Variants in NRXN1 observed in about 807,000 individuals in gnomAD.
NRXN1 encodes the protein neurexin-1.
A neutral mutation model predicts 150.9 loss-of-function variants in NRXN1; 39 were observed. The observed-to-expected ratio is 0.26, with a 90% CI of 0.20 to 0.34. The LOEUF (loss-of-function observed/expected upper bound fraction) is 0.34. NRXN1 is among the 10% of genes least tolerant of loss of function. NRXN1 has a pLI of 1.00. For synonymous variants in NRXN1, 924 were observed against 757.0 expected (o/e 1.22, Z -3.62); for missense variants, 1,815 against 1,949.9 (o/e 0.93, Z 1.30).
chr2:50,280,478 A>T (rs1225416449), intron 17 of NRXN1, among the ~76,000 whole-genome samples: 1 of 152,136 alleles, frequency 6.6e-6, no homozygotes, highest in African/African-American at 2.4e-5. Flanking sequence ...GATGAACCTC[A>T]GTCTTTGGAG....
chr2:50,620,983 C>G, intron 7 of NRXN1: 1 of 442,322 alleles, frequency 2.3e-6, no homozygotes, highest in Non-Finnish European at 4.0e-6. Context: ...GGATGCAAAA[C>G]GTTCGAAACG....
chr2:50,652,635 A>C (rs774247457), intron 5 of NRXN1, among the ~76,000 whole-genome samples: 56 of 152,196 alleles, frequency 3.7e-4, no homozygotes, highest in Middle Eastern at 3.4e-3. Flanking sequence ...GTTATTAAGA[A>C]TGCTGCTGCT....
chr2:50,888,354 C>T (rs1394952374), intron 5 of NRXN1, among the ~76,000 whole-genome samples: 1 of 151,456 alleles, frequency 6.6e-6, no homozygotes, highest in African/African-American at 2.4e-5. Context: ...AGAATTTCTT[C>T]CAACTGATTT....
chr2:50,207,492 C>T (rs954119963), intron 18 of NRXN1: 1 of 152,776 alleles, frequency 6.5e-6, no homozygotes, highest in African/African-American at 2.4e-5. Context: ...ATATATCTTC[C>T]CCTTAATCTT....
At chr2:50,728,177 C>CTTTTTTTTTTTTTTTTTTTTTTTT in intron 5 of NRXN1, among the ~76,000 whole-genome samples, 1 of 152,100 alleles carries the variant, frequency 6.6e-6, no homozygotes, top group African/African-American at 2.4e-5. Flanking sequence ...ACTTCTTCAT[C>CTTTTTTTTTTTTTTTTTTTTTTTT]TTATTATAGA....
chr2:50,496,516 T>G (rs913367987), intron 14 of NRXN1, among the ~76,000 whole-genome samples: 2 of 152,180 alleles, frequency 1.3e-5, no homozygotes, highest in Non-Finnish European at 2.9e-5. Flanking sequence ...TCCTTCAACA[T>G]CCAGGTCAGA....
intron 5 of NRXN1, among the ~76,000 whole-genome samples, chr2:50,856,785 G>A (rs988280891): frequency 6.6e-6 from 1 of 151,952 alleles, no homozygotes. Context: ...GCATTTCCTA[G>A]TATTTCAGAA....
intron 17 of NRXN1, among the ~76,000 whole-genome samples, chr2:50,300,320 T>C (rs1328559826): frequency 6.6e-6 from 1 of 152,238 alleles, no homozygotes; most frequent in East Asian, 1.9e-4. Context: ...TTATACTTGT[T>C]GTCACAGAAC....
intron 17 of NRXN1, among the ~76,000 whole-genome samples, chr2:50,307,958 A>G (rs1161317080): frequency 6.6e-6 from 1 of 152,220 alleles, no homozygotes; most frequent in African/African-American, 2.4e-5. Context: ...CTGACATTCA[A>G]CTTTTAAAAA....
intron 5 of NRXN1, among the ~76,000 whole-genome samples, chr2:50,758,980 T>C (rs1451648029): frequency 1.3e-5 from 2 of 151,932 alleles, no homozygotes; most frequent in Non-Finnish European, 2.9e-5. Context: ...CAGAAACCTG[T>C]GCACAAGAGT....
At chr2:50,189,049 T>C (rs2061277399) in intron 18 of NRXN1, among the ~76,000 whole-genome samples, 2 of 152,178 alleles carry the variant, frequency 1.3e-5, no homozygotes, top group South Asian at 2.1e-4. Context: ...ATCATTCTAC[T>C]ATAAAGACAC....
At chr2:50,068,331 C>A (rs957198269) in intron 19 of NRXN1, among the ~76,000 whole-genome samples, 2 of 152,096 alleles carry the variant, frequency 1.3e-5, no homozygotes, top group South Asian at 4.1e-4. Flanking sequence ...AGTAAAATAA[C>A]CATTTTTTTC....
chr2:50,303,681 A>G (rs540788787), intron 17 of NRXN1, among the ~76,000 whole-genome samples: 3 of 152,206 alleles, frequency 2.0e-5, no homozygotes, highest in Non-Finnish European at 2.9e-5. Context: ...AAAAAATTAC[A>G]TCAAGACAAA....
chr2:50,697,238 C>G (rs924691325), intron 5 of NRXN1, among the ~76,000 whole-genome samples: 6 of 152,092 alleles, frequency 3.9e-5, no homozygotes, highest in African/African-American at 7.2e-5. Flanking sequence ...CATTAGTCTT[C>G]ATTTTGAATA....
intron 9 of NRXN1, among the ~76,000 whole-genome samples, chr2:50,539,897 G>C (rs1026641002): frequency 2.0e-5 from 3 of 152,168 alleles, no homozygotes; most frequent in African/African-American, 4.8e-5. Context: ...TGTGTGTAGG[G>C]AGACACATTT....
chr2:50,090,619 C>T (rs1287637102), intron 19 of NRXN1, among the ~76,000 whole-genome samples: 1 of 152,154 alleles, frequency 6.6e-6, no homozygotes, highest in Admixed American at 6.5e-5. Flanking sequence ...TAATCTACCA[C>T]CTTTGTTTCA....
At chr2:50,112,873 C>G (rs111804061) in intron 18 of NRXN1, among the ~76,000 whole-genome samples, 8 of 152,114 alleles carry the variant, frequency 5.3e-5, no homozygotes, top group African/African-American at 1.9e-4. Flanking sequence ...TTATACTATT[C>G]TAGATATAAA....
rs200494288 is a variant in NRXN1 at position 51,027,917 on chromosome 2, G to C, written c.357C>G (p.Ile119Met). ...GCGTGGTGTTGCGGAACTGGCGGCGGATGCGCACGCTGTGCCAGGCGCCGT... is the reference window on the plus strand; with the variant it reads ...GCGTGGTGTTGCGGAACTGGCGGCGCATGCGCACGCTGTGCCAGGCGCCGT... ...VNDGAWHSVR[I>M]RRQFRNTTLF... The change falls in exon 2 of 23, where the codon ATC (isoleucine) becomes ATG (methionine). Residue 119 changes from isoleucine (I) to methionine (M), a missense_variant. Coordinates refer to ENST00000401669, the MANE Select transcript of NRXN1 (RefSeq NM_001330078.2). 1 of 1,607,594 alleles carries C rather than the reference G, an allele frequency of 6.2e-7. No homozygotes were observed. Among genetic ancestry groups the C allele is most frequent in the South Asian group, 1.1e-5 (1 of 91,078 alleles).
intron 5 of NRXN1, among the ~76,000 whole-genome samples, chr2:50,671,912 C>T (rs183678336): frequency 2.0e-5 from 3 of 151,870 alleles, no homozygotes; most frequent in Non-Finnish European, 3.0e-5. Context: ...GAGCTTATTA[C>T]GATTTAAAAT....
Sources: allele counts gnomAD v4.1 joint callset (sites outside exome capture counted in the v4.1 genomes callset), GRCh38; gene constraint gnomAD v4.1.1; transcripts MANE v1.5; gene names NCBI Gene and HGNC (gene_info 2026-07-23, HGNC 2026-07-21).